The following ANK2 variants were observed in gnomAD, a reference collection of about 807,000 sequenced individuals.
ANK2 encodes ankyrin 2.
ANK2 carries 83 observed loss-of-function variants against 360.5 expected under a neutral mutation model. The ratio of observed to expected loss-of-function variants is 0.23; its 90% confidence interval spans 0.19 to 0.28. The LOEUF is 0.28. ANK2 is among the 10% of genes least tolerant of loss of function. The pLI is 1.00. For synonymous variants in ANK2, 1,740 were observed against 1,759.5 expected (o/e 0.99, Z 0.28); for missense variants, 4,201 against 4,795.7 (o/e 0.88, Z 3.66).
intron 18 of ANK2, among the ~76,000 whole-genome samples, chr4:113,286,623 G>C (rs1007346190): frequency 6.6e-6 from 1 of 152,206 alleles, no homozygotes; most frequent in Admixed American, 6.5e-5. Context: ...ATTTTAATCA[G>C]ATGTGAACTG....
At chr4:112,759,456 A>G in the ANK2 span, among the ~76,000 whole-genome samples, 1 of 152,172 alleles carries the variant, frequency 6.6e-6, no homozygotes. Context: ...AAATCTTTCT[A>G]ATTACCACAT....
intron 2 of ANK2, among the ~76,000 whole-genome samples, chr4:112,999,974 A>G (rs1255455532): frequency 6.6e-6 from 1 of 152,232 alleles, no homozygotes; most frequent in Non-Finnish European, 1.5e-5. Flanking sequence ...AGGAGCCTAC[A>G]CATGTAACTC....
chr4:113,339,524 C>T (rs182128898), intron 32 of ANK2, among the ~76,000 whole-genome samples: 7 of 152,260 alleles, frequency 4.6e-5, no homozygotes, highest in African/African-American at 1.4e-4. Context: ...ATTACCAATC[C>T]GATTAAAATC....
At position 113,101,388 on chromosome 4, in the gene ANK2, T is replaced by C. The variant is rs115814492; in HGVS notation, c.84+51576T>C. On this transcript the variant is annotated intron_variant, in intron 1 of 45. Transcript: ENST00000357077. ...TTCTTCTAGCTGTAAGAAGGAAATA[T>C]CCTTAATTTCTCTAGGAAATTCAAT... Among the ~76,000 whole-genome samples, 1,402 of 152,252 alleles carry C rather than the reference T, an allele frequency of 9.2e-3. 9 individuals carry two copies. Among genetic ancestry groups the C allele is most frequent in the Non-Finnish European group, 0.014 (967 of 67,996 alleles).
intron 1 of ANK2, among the ~76,000 whole-genome samples, chr4:113,143,141 G>C (rs1002137824): frequency 2.6e-5 from 4 of 152,160 alleles, no homozygotes; most frequent in African/African-American, 9.7e-5. Context: ...AGGTATGGGA[G>C]GACATTGGTC....
At chr4:113,103,186 CT>C (rs2093159046) in intron 1 of ANK2, among the ~76,000 whole-genome samples, 1 of 152,150 alleles carries the variant, frequency 6.6e-6, no homozygotes, top group East Asian at 1.9e-4. Flanking sequence ...TTCTTTGCAA[CT>C]TAATTTGCTA....
intron 1 of ANK2, among the ~76,000 whole-genome samples, chr4:112,825,350 T>A (rs200058461): frequency 2.0e-5 from 3 of 151,840 alleles, no homozygotes. Context: ...AAAAAAAATT[T>A]AAAAAAAGAA....
upstream of ANK2, among the ~76,000 whole-genome samples, chr4:113,047,615 G>T (rs2064964907): frequency 6.6e-6 from 1 of 152,112 alleles, no homozygotes; most frequent in Admixed American, 6.6e-5. Context: ...TTCAGTGGGG[G>T]CTGTGACCAC....
At chr4:113,062,135 C>T (rs1251519704) in intron 1 of ANK2, among the ~76,000 whole-genome samples, 1 of 152,054 alleles carries the variant, frequency 6.6e-6, no homozygotes, top group South Asian at 2.1e-4. Flanking sequence ...TTGTCTAAAG[C>T]AGAATTATTA....
chr4:112,779,039 G>T, the ANK2 span, among the ~76,000 whole-genome samples: 86 of 152,280 alleles, frequency 5.6e-4, no homozygotes, highest in Non-Finnish European at 1.1e-3. Context: ...TATTAGGTTG[G>T]TGCAAAAGCA....
chr4:113,073,995 G>T (rs2078866805), intron 1 of ANK2, among the ~76,000 whole-genome samples: 1 of 152,174 alleles, frequency 6.6e-6, no homozygotes, highest in Non-Finnish European at 1.5e-5. Context: ...AAAGTAAATT[G>T]GACTCAGTCT....
chr4:113,106,941 A>G (rs757720488), intron 1 of ANK2: 15 of 532,660 alleles, frequency 2.8e-5, no homozygotes, highest in East Asian at 2.7e-4. Flanking sequence ...TAATAAATCT[A>G]TTTTTAAAAG....
intron 2 of ANK2, among the ~76,000 whole-genome samples, chr4:113,004,155 A>G (rs1262250723): frequency 6.6e-6 from 1 of 152,198 alleles, no homozygotes; most frequent in African/African-American, 2.4e-5. Context: ...CTTAGGCTAC[A>G]CTACATTTAT....
chr4:113,295,440 T>C (rs2070724223), intron 22 of ANK2, among the ~76,000 whole-genome samples: 1 of 152,170 alleles, frequency 6.6e-6, no homozygotes, highest in South Asian at 2.1e-4. Context: ...AAATAAGCAT[T>C]CTCTGGTTTG....
intron 2 of ANK2, among the ~76,000 whole-genome samples, chr4:112,981,885 T>C (rs1034023851): frequency 6.6e-6 from 1 of 152,310 alleles, no homozygotes; most frequent in African/African-American, 2.4e-5. Context: ...ACCCTAATGA[T>C]ATTAATTCAA....
chr4:112,956,256 C>T (rs1042803572), intron 2 of ANK2, among the ~76,000 whole-genome samples: 11 of 152,194 alleles, frequency 7.2e-5, no homozygotes, highest in African/African-American at 2.4e-4. Flanking sequence ...GGTTGAGGTA[C>T]GACAGCACAA....
chr4:113,272,757 G>T (rs572272281), intron 14 of ANK2, among the ~76,000 whole-genome samples: 3 of 152,094 alleles, frequency 2.0e-5, no homozygotes, highest in Non-Finnish European at 4.4e-5. Context: ...AGTCATCATT[G>T]CTCCAACTAT....
At chr4:113,300,854 A>G (rs1208684203) in intron 22 of ANK2, among the ~76,000 whole-genome samples, 1 of 152,204 alleles carries the variant, frequency 6.6e-6, no homozygotes, top group African/African-American at 2.4e-5. Context: ...CAGTTTAATC[A>G]GTTTTCTGAA....
the ANK2 span, among the ~76,000 whole-genome samples, chr4:112,718,498 G>A: frequency 4.6e-5 from 7 of 152,064 alleles, no homozygotes; most frequent in South Asian, 6.2e-4. Context: ...ATTTTTCATA[G>A]AGACATGGTT....
Sources: gnomAD v4.1 joint callset for allele counts (sites outside exome capture counted in the v4.1 genomes callset) on GRCh38, gnomAD v4.1.1 for gene constraint, MANE v1.5 for transcripts, NCBI Gene and HGNC (gene_info 2026-07-23, HGNC 2026-07-21) for gene names.